Variants in PHF2 observed in about 807,000 individuals in gnomAD.
The protein encoded by PHF2 is lysine-specific demethylase PHF2.
Under a neutral mutation model 120.5 loss-of-function variants are expected in PHF2, and 27 were observed. The observed-to-expected ratio is 0.22, with a 90% CI of 0.17 to 0.31. The LOEUF (loss-of-function observed/expected upper bound fraction) is 0.31. Ranked by LOEUF, PHF2 falls within the 10% of genes least tolerant of loss-of-function variation. PHF2 has a pLI of 1.00. For missense variants in PHF2, 1,024 were observed against 1,434.8 expected, an observed-to-expected ratio of 0.71 and a Z score of 4.63; for synonymous variants, 568 against 592.5, an observed-to-expected ratio of 0.96 and a Z score of 0.60.
intron 3 of PHF2, among the ~76,000 whole-genome samples, chr9:93,641,371 A>C (rs1161133211): frequency 6.6e-6 from 1 of 152,124 alleles, no homozygotes; most frequent in Non-Finnish European, 1.5e-5. Flanking sequence ...GTTATCACTT[A>C]AGTGTTCCTA....
intron 17 of PHF2, among the ~76,000 whole-genome samples, chr9:93,671,383 GGTACA>G (rs1826787699): frequency 7.3e-6 from 1 of 136,442 alleles, no homozygotes; most frequent in Non-Finnish European, 1.6e-5. Context: ...TGTGGATGTA[GGTACA>G]GGTGTAGATG....
chr9:93,638,717 T>C (rs906835030), intron 3 of PHF2, among the ~76,000 whole-genome samples: 1 of 152,112 alleles, frequency 6.6e-6, no homozygotes, highest in African/African-American at 2.4e-5. Flanking sequence ...GTCTTCCAAG[T>C]TTGTTCTTTT....
Position 93,576,621 on chromosome 9 carries a change from G to T in PHF2, c.-153G>T, listed in dbSNP as rs937741608. On this transcript the variant is annotated 5_prime_UTR_variant, in exon 1 of 22. Coordinates refer to ENST00000359246, the MANE Select transcript of PHF2 (RefSeq NM_005392.4). ...CGCCTGGCCGGGAGCGCGCGCGGGGGCTGTCGTGCGCCCCCGTCCCCGTCC... is the reference window on the plus strand; with the variant it reads ...CGCCTGGCCGGGAGCGCGCGCGGGGTCTGTCGTGCGCCCCCGTCCCCGTCC... 9.3e-3 allele frequency: 1,369 copies of T among 146,468 alleles called. 15 individuals carry two copies. The highest frequency in any genetic ancestry group is 0.015 in the Non-Finnish European group (992 of 67,258). The allele number at this position is 146,468 out of a possible 1,614,324, so 9.1% of individuals were successfully genotyped here.
intron 10 of PHF2, 92 bp from the exon 11 acceptor site, chr9:93,659,419 T>C (rs887304679): frequency 9.8e-7 from 1 of 1,021,230 alleles, no homozygotes; most frequent in African/African-American, 1.6e-5. Context: ...TCTGAGTGGC[T>C]CGGCAGTCAG....
intron 1 of PHF2, among the ~76,000 whole-genome samples, chr9:93,606,935 CA>C (rs1176400249): frequency 5.3e-5 from 8 of 152,114 alleles, no homozygotes; most frequent in African/African-American, 1.7e-4. Context: ...TCTGTTAGAG[CA>C]CCATTTGTTG....
At chr9:93,588,459 C>G (rs978571160) in intron 1 of PHF2, among the ~76,000 whole-genome samples, 2 of 152,176 alleles carry the variant, frequency 1.3e-5, no homozygotes, top group Admixed American at 1.3e-4. Flanking sequence ...GAGAATAACT[C>G]TCTTTGGAGG....
chr9:93,639,353 C>A (rs764077686), intron 3 of PHF2, among the ~76,000 whole-genome samples: 1 of 151,992 alleles, frequency 6.6e-6, no homozygotes. Context: ...GAATCGTTTT[C>A]TTAATTTTCA....
At chr9:93,621,901 C>T (rs1056034653) in intron 1 of PHF2, among the ~76,000 whole-genome samples, 1 of 152,206 alleles carries the variant, frequency 6.6e-6, no homozygotes, top group African/African-American at 2.4e-5. Context: ...TCCCTCTGCA[C>T]CCTTAGAGCC....
At position 93,673,700 on chromosome 9, in the gene PHF2, G is replaced by A. The variant is rs901951676; in HGVS notation, c.2464G>A (p.Gly822Arg). The A allele has an allele frequency of 4.3e-6, 7 of 1,613,136 alleles. No homozygotes were observed. In the Admixed American group the frequency reaches 8.3e-5, roughly 19 times the overall value. ...QTTWGAGQAK[G>R]SSLAAHGARK... ...CACGTGGGGAGCTGGCCAGGCCAAG[G>A]GGAGCTCGCTGGCTGCCCATGGTGC... The change falls in exon 18 of 22, where the codon GGG becomes AGG. Residue 822 changes from glycine to arginine, a missense_variant. Gly to Arg is a moderately radical substitution (Grantham distance 125). Coordinates refer to ENST00000359246, the MANE Select transcript of PHF2 (RefSeq NM_005392.4).
chr9:93,619,600 T>C (rs1453756184), intron 1 of PHF2, among the ~76,000 whole-genome samples: 2 of 151,416 alleles, frequency 1.3e-5, no homozygotes, highest in African/African-American at 2.4e-5. Flanking sequence ...TGCTGGTGGT[T>C]CCTGGTGGCC....
chr9:93,676,574 C>T lies in PHF2; in HGVS notation c.2833-20C>T. On this transcript the variant is annotated intron_variant, in intron 20 of 21. Coordinates refer to ENST00000359246, the MANE Select transcript of PHF2 (RefSeq NM_005392.4). Reference sequence around the variant, plus strand: ...AAGTGGGCTGTGCGTCTGAGGCTGCCCTGCATGTTTTGTTCAAAGGAGGAG... The same window carrying T: ...AAGTGGGCTGTGCGTCTGAGGCTGCTCTGCATGTTTTGTTCAAAGGAGGAG... The T allele has an allele frequency of 6.4e-7, 1 of 1,573,894 alleles. No individual in the cohort carries two copies. Among genetic ancestry groups the T allele is most frequent in the Non-Finnish European group, 8.7e-7 (1 of 1,155,034 alleles).
rs566937620 is a variant in PHF2, at chr9:93,608,280, G to A, written c.99-21690G>A. Among the ~76,000 whole-genome samples, 81 of 151,918 alleles carry A rather than the reference G, an allele frequency of 5.3e-4. 1 individual carries two copies. The Middle Eastern group carries it at 0.01, about 19-fold the overall frequency. On this transcript the variant is annotated intron_variant, in intron 1 of 21. Coordinates refer to ENST00000359246, the MANE Select transcript of PHF2 (RefSeq NM_005392.4). Reference sequence around the variant, plus strand: ...TGAGTCTGCAGTGGGCTGTGATTGCGCCACTGTACTCTAGCCTGGGCAATA... The same window carrying A: ...TGAGTCTGCAGTGGGCTGTGATTGCACCACTGTACTCTAGCCTGGGCAATA...
At chr9:93,620,219 G>A (rs113788394) in intron 1 of PHF2, among the ~76,000 whole-genome samples, 129 of 152,298 alleles carry the variant, frequency 8.5e-4, no homozygotes, top group African/African-American at 2.5e-3. Flanking sequence ...GGAGGGAGAG[G>A]CCCACCTTCT....
chr9:93,654,365 C>T, intron 6 of PHF2, 48 bp from the exon 7 acceptor site: 1 of 1,586,146 alleles, frequency 6.3e-7, no homozygotes. Flanking sequence ...GCACCCCCGA[C>T]CCCCGCATCC....
chr9:93,614,100 G>A (rs776582182), intron 1 of PHF2, among the ~76,000 whole-genome samples: 10 of 152,218 alleles, frequency 6.6e-5, no homozygotes, highest in Non-Finnish European at 1.5e-4. Flanking sequence ...AAGGTGTCAG[G>A]ACTTGCCCTC....
At position 93,665,882 on chromosome 9, in the gene PHF2, G is replaced by C. The variant is rs199540043; in HGVS notation, c.2116+18G>C. On this transcript the variant is annotated intron_variant, in intron 15 of 21. Coordinates refer to ENST00000359246, the MANE Select transcript of PHF2 (RefSeq NM_005392.4). ...CTTGTCCTGTGAGTTGGGAGGGGGTGTTGGGGGAGGGGTGTGGGAGAGGCC... is the reference window on the plus strand; with the variant it reads ...CTTGTCCTGTGAGTTGGGAGGGGGTCTTGGGGGAGGGGTGTGGGAGAGGCC... The C allele has an allele frequency of 6.5e-7, 1 of 1,533,494 alleles. No individual in the cohort carries two copies. Among genetic ancestry groups the C allele is most frequent in the African/African-American group, 1.4e-5 (1 of 73,404 alleles). The allele number at this position is 1,533,494 out of a possible 1,614,324, so 95.0% of individuals were successfully genotyped here.
chr9:93,577,501 C>T (rs1429513060), intron 1 of PHF2, among the ~76,000 whole-genome samples: 1 of 152,092 alleles, frequency 6.6e-6, no homozygotes, highest in East Asian at 2.0e-4. Context: ...CCCTCCCGGA[C>T]CCCCGCGGAG....
intron 12 of PHF2, 79 bp from the exon 13 acceptor site, chr9:93,662,828 A>G: frequency 6.4e-7 from 1 of 1,559,232 alleles, no homozygotes; most frequent in Admixed American, 1.7e-5. Flanking sequence ...GGCCAGAAGA[A>G]GACAGGGAAT....
chr9:93,594,411 A>T (rs977431013), intron 1 of PHF2, among the ~76,000 whole-genome samples: 1 of 152,128 alleles, frequency 6.6e-6, no homozygotes, highest in Non-Finnish European at 1.5e-5. Flanking sequence ...CTTCAGGCTG[A>T]TAGGTTCCTG....
Sources: gnomAD v4.1 joint callset for allele counts (sites outside exome capture counted in the v4.1 genomes callset) on GRCh38, gnomAD v4.1.1 for gene constraint, MANE v1.5 for transcripts, NCBI Gene and HGNC (gene_info 2026-07-23, HGNC 2026-07-21) for gene names.